NSD2: variants seen among roughly 807,000 people sequenced by gnomAD.
NSD2 encodes the protein nuclear receptor binding SET domain protein 2.
In NSD2, 12 loss-of-function variants were observed where a neutral mutation model predicts 139.0. The ratio of observed to expected loss-of-function variants is 0.09; its 90% CI spans 0.06 to 0.14. The LOEUF is 0.14. Ranked by LOEUF, NSD2 falls within the 10% of genes least tolerant of loss-of-function variation. The probability of loss-of-function intolerance (pLI) is 1.00; values close to 1 mark genes in which losing one functional copy is unlikely to be tolerated. For synonymous variants in NSD2, 669 were observed against 648.7 expected (o/e 1.03, Z -0.48); for missense variants, 1,155 against 1,745.0 (o/e 0.66, Z 6.02).
At chr4:1,933,886 A>G (rs1721985022) in intron 6 of NSD2, among the ~76,000 whole-genome samples, 1 of 152,228 alleles carries the variant, frequency 6.6e-6, no homozygotes, top group Admixed American at 6.5e-5. Flanking sequence ...GTCTTGGATT[A>G]ACTGCTATTC....
At position 1,963,551 on chromosome 4, in the gene NSD2, T is replaced by C. The variant is rs910971727; in HGVS notation, c.3372+2400T>C. ...TGTGCTGTAAGAAATGCCAAGTGGA[T>C]ACTGCAGTTTGCTTTTGATTAGTAA... On this transcript the variant is annotated intron_variant, in intron 18 of 21. Transcript: ENST00000508803. Among the ~76,000 whole-genome samples the C allele has an allele frequency of 5.3e-5, 8 of 152,364 alleles. No individual in the cohort carries two copies. The East Asian group carries it at 1.5e-3, about 29-fold the overall frequency.
At position 1,973,902 on chromosome 4, in the gene NSD2, A is replaced by G. The variant is rs55964764; in HGVS notation, c.3373-961A>G. Among the ~76,000 whole-genome samples, 14,261 of 152,210 alleles carry G rather than the reference A, an allele frequency of 0.094. 2,072 individuals are homozygous for G. Among genetic ancestry groups the G allele is most frequent in the African/African-American group, 0.31 (13,048 of 41,500 alleles). ...CCTCAGGTGGAGGCCGGGGCCGTCC[A>G]TTCCCTGCTGCTGGGTGGAGATGTT... On this transcript the variant is annotated intron_variant, in intron 18 of 21. Coordinates refer to ENST00000508803, the MANE Select transcript of NSD2 (RefSeq NM_001042424.3). This position sits in a 1 kb window ranked among gnomAD's most constrained non-coding sequence, Gnocchi z 5.5.
At chr4:1,916,157 G>C (rs1004277171) in intron 3 of NSD2, among the ~76,000 whole-genome samples, 1 of 152,032 alleles carries the variant, frequency 6.6e-6, no homozygotes, top group Non-Finnish European at 1.5e-5. Context: ...AGATAGGGGG[G>C]TAGCTAGCTG....
chr4:1,902,865 A>T lies in NSD2; in HGVS notation c.598-1351A>T, dbSNP rs1490616068. Among the ~76,000 whole-genome samples, 4 of 152,078 alleles carry T rather than the reference A, an allele frequency of 2.6e-5. No homozygotes were observed. In the East Asian group the frequency reaches 7.7e-4, roughly 29 times the overall value. Reference sequence around the variant, plus strand: ...TGTAAACCTGGGTTGCTGTGCAGTAATCTGGTAGCTGTTCTGAAAGTATGT... The same window carrying T: ...TGTAAACCTGGGTTGCTGTGCAGTATTCTGGTAGCTGTTCTGAAAGTATGT... On this transcript the variant is annotated intron_variant, in intron 2 of 21. Transcript: ENST00000508803.
intron 18 of NSD2, among the ~76,000 whole-genome samples, chr4:1,970,792 G>C (rs1726384336): frequency 1.3e-5 from 2 of 152,168 alleles, no homozygotes; most frequent in Admixed American, 1.3e-4. Flanking sequence ...GACATTACAT[G>C]TGGGCATGCA....
At chr4:1,903,458 C>T (rs1388317653) in intron 2 of NSD2, among the ~76,000 whole-genome samples, 2 of 152,198 alleles carry the variant, frequency 1.3e-5, no homozygotes, top group Non-Finnish European at 2.9e-5. Context: ...TCCTAGTCCT[C>T]CTGGTGCCCT....
intron 1 of NSD2, among the ~76,000 whole-genome samples, chr4:1,888,441 T>C (rs1715283426): frequency 6.6e-6 from 1 of 150,466 alleles, no homozygotes; most frequent in Non-Finnish European, 1.5e-5. Flanking sequence ...AAAAAAAGAC[T>C]TTATATGCCA....
chr4:1,951,443 T>C lies in NSD2; in HGVS notation c.2013+240T>C, dbSNP rs1330733200. 7.9e-5 allele frequency among the ~76,000 whole-genome samples: 8 copies of C among 101,078 alleles called. No homozygotes were observed. The East Asian group carries it at 2.0e-3, about 26-fold the overall frequency. 66.3% of individuals were successfully genotyped at this position (101,078 alleles called of 152,430 possible). A position where few individuals can be genotyped will look rare whatever the true frequency, so the allele number is the denominator to read the frequency against. On this transcript the variant is annotated intron_variant, in intron 10 of 21. Coordinates refer to ENST00000508803, the MANE Select transcript of NSD2 (RefSeq NM_001042424.3). ...TGAGATTTGTATACACATCATGTAA[T>C]ACACACACACACACACACACACACA...
At chr4:1,939,802 ACC>A in intron 9 of NSD2, 24 bp downstream of exon 9, 1 of 1,614,108 alleles carries the variant, frequency 6.2e-7, no homozygotes, top group Non-Finnish European at 8.5e-7. Flanking sequence ...AATAACGATA[ACC>A]ATGGCATTGG....
intron 1 of NSD2, chr4:1,899,464 CAAA>C (rs1482960529): frequency 6.6e-6 from 1 of 152,248 alleles, no homozygotes; most frequent in Non-Finnish European, 1.5e-5. Context: ...CCCTGGGGAA[CAAA>C]ATCCTCCCCA....
intron 21 of NSD2, among the ~76,000 whole-genome samples, chr4:1,977,995 C>T (rs190729386): frequency 9.5e-4 from 144 of 151,818 alleles, no homozygotes; most frequent in African/African-American, 3.3e-3. Context: ...GTCGTGGTGG[C>T]GGGCGCCTGT....
intron 1 of NSD2, among the ~76,000 whole-genome samples, chr4:1,886,160 C>T (rs1231789015): frequency 6.6e-6 from 1 of 152,150 alleles, no homozygotes; most frequent in African/African-American, 2.4e-5. Context: ...CTGTACTCCC[C>T]TTCAGAGTTC....
chr4:1,981,694 GT>G lies in NSD2; in HGVS notation c.*2788del, dbSNP rs1313111824. 3.5e-5 allele frequency: 14 copies of G among 395,552 alleles called. No individual in the cohort carries two copies. The South Asian group carries it at 1.9e-3, about 53-fold the overall frequency. The allele number at this position is 395,552 out of a possible 1,614,324, so 24.5% of individuals were successfully genotyped here. ...TGGCTGGCTGGGTCCCCTTCGCAGTGTTTGTCTGTCTTGACATCTAAACCCC... is the reference window on the plus strand; with the variant it reads ...TGGCTGGCTGGGTCCCCTTCGCAGTGTTGTCTGTCTTGACATCTAAACCCC... On this transcript the variant is annotated 3_prime_UTR_variant, in exon 22 of 22. Coordinates refer to ENST00000508803, the MANE Select transcript of NSD2 (RefSeq NM_001042424.3).
At chr4:1,932,976 C>T (rs989865170) in intron 6 of NSD2, among the ~76,000 whole-genome samples, 10 of 152,210 alleles carry the variant, frequency 6.6e-5, no homozygotes, top group African/African-American at 2.4e-4. Context: ...GAGAGTTTGG[C>T]TGGCTGTGCC....
intron 3 of NSD2, among the ~76,000 whole-genome samples, chr4:1,906,324 T>C (rs936813891): frequency 3.9e-5 from 6 of 152,078 alleles, no homozygotes; most frequent in African/African-American, 1.2e-4. Context: ...CTGCAACCTG[T>C]ACCTTCTGGG....
At chr4:1,896,880 G>T (rs1311394760) in intron 1 of NSD2, among the ~76,000 whole-genome samples, 1 of 149,476 alleles carries the variant, frequency 6.7e-6, no homozygotes, top group Non-Finnish European at 1.5e-5. Flanking sequence ...ACATAAGAAA[G>T]ATAGTTAAAC....
chr4:1,871,821 G>C (rs1713793281), intron 1 of NSD2, among the ~76,000 whole-genome samples: 1 of 148,676 alleles, frequency 6.7e-6, no homozygotes, highest in South Asian at 2.1e-4. Context: ...AGGCCGGGAC[G>C]AGTCCGGGCA....
intron 21 of NSD2, among the ~76,000 whole-genome samples, chr4:1,977,512 A>T (rs1368544025): frequency 6.6e-6 from 1 of 152,238 alleles, no homozygotes; most frequent in African/African-American, 2.4e-5. Context: ...GCGGGGGCTC[A>T]TGCCTGTAAT....
intron 9 of NSD2, chr4:1,946,931 T>C: frequency 9.4e-7 from 1 of 1,059,634 alleles, no homozygotes; most frequent in South Asian, 4.6e-5. Context: ...CCTATAGTTG[T>C]TGGCCTTTTT....
Sources: gnomAD v4.1 joint callset for allele counts (sites outside exome capture counted in the v4.1 genomes callset) on GRCh38, gnomAD v4.1.1 for gene constraint, Gnocchi (gnomAD v3.1) non-coding constraint, MANE v1.5 for transcripts, NCBI Gene and HGNC (gene_info 2026-07-23, HGNC 2026-07-21) for gene names.